Variants in PDZRN4 observed in about 807,000 individuals in gnomAD.
PDZRN4 encodes the protein PDZ domain-containing RING finger protein 4.
Under a neutral mutation model 99.0 loss-of-function variants are expected in PDZRN4, and 70 were observed. That is an observed-to-expected ratio of 0.71 (90% confidence interval 0.58 to 0.86). The LOEUF is 0.86. Ranked by LOEUF, PDZRN4 falls within the 40% of genes least tolerant of loss-of-function variation. PDZRN4 has a pLI of 0.00. For missense variants in PDZRN4, 1,474 were observed against 1,331.2 expected, an observed-to-expected ratio of 1.11 and a Z score of -1.67; for synonymous variants, 551 against 501.6, an observed-to-expected ratio of 1.10 and a Z score of -1.32.
intron 3 of PDZRN4, among the ~76,000 whole-genome samples, chr12:41,226,223 C>T (rs540606334): frequency 1.3e-5 from 2 of 152,078 alleles, no homozygotes; most frequent in African/African-American, 4.8e-5. Context: ...ACATGAGGTC[C>T]GTGGTGAGCA....
At chr12:41,488,580 C>T (rs1428848159) in intron 3 of PDZRN4, among the ~76,000 whole-genome samples, 3 of 152,000 alleles carry the variant, frequency 2.0e-5, no homozygotes, top group African/African-American at 7.2e-5. Context: ...AGAAACCTGG[C>T]GTGTAGTCAC....
chr12:41,545,923 T>G (rs1167652206), intron 5 of PDZRN4, among the ~76,000 whole-genome samples: 1 of 151,666 alleles, frequency 6.6e-6, no homozygotes, highest in African/African-American at 2.4e-5. Flanking sequence ...AGCAGAAAGT[T>G]GAGGTCATAA....
rs1951187870 is a variant in PDZRN4, at chr12:41,254,020, T to C, written c.843+59832T>C. ...GAGGAGAGATAAAAGGAAATATATA[T>C]ATATATGTGTGTGCGTGTGTGTGTG... On this transcript the variant is annotated intron_variant, in intron 3 of 9. Transcript: ENST00000402685. Among the ~76,000 whole-genome samples, 3 of 85,046 alleles carry C rather than the reference T, an allele frequency of 3.5e-5. 1 individual carries two copies. In the Admixed American group the frequency reaches 4.6e-4, roughly 13 times the overall value. The allele number at this position is 85,046 out of a possible 152,430, so 55.8% of individuals were successfully genotyped here.
At chr12:41,219,659 A>T (rs1026161577) in intron 3 of PDZRN4, among the ~76,000 whole-genome samples, 1 of 152,120 alleles carries the variant, frequency 6.6e-6, no homozygotes, top group Non-Finnish European at 1.5e-5. Context: ...CACAAAGTTT[A>T]CTGTTAGATA....
At chr12:41,473,947 TG>T (rs1300849228) in intron 3 of PDZRN4, among the ~76,000 whole-genome samples, 1 of 152,182 alleles carries the variant, frequency 6.6e-6, no homozygotes, top group East Asian at 1.9e-4. Context: ...GGGTAAGCCT[TG>T]AATGGAGATT....
In PDZRN4 at chr12:41,509,723, G is replaced by A. The variant is rs973682204; in HGVS notation, c.1101-88G>A. 1.2e-5 allele frequency: 8 copies of A among 661,856 alleles called. No individual in the cohort carries two copies. In the Admixed American group the frequency reaches 1.3e-4, roughly 11 times the overall value. 41.0% of individuals were successfully genotyped at this position (661,856 alleles called of 1,614,324 possible). On this transcript the variant is annotated intron_variant, in intron 4 of 9. Coordinates refer to ENST00000402685, the MANE Select transcript of PDZRN4 (RefSeq NM_001164595.2). ...ACTACAGATCTTATTCCAAAGCAGA[G>A]CAAACTAAAGTGAAATTCTAAAATC...
intron 3 of PDZRN4, among the ~76,000 whole-genome samples, chr12:41,339,158 T>C (rs987196157): frequency 4.0e-5 from 6 of 150,948 alleles, no homozygotes; most frequent in Admixed American, 2.0e-4. Context: ...GGAATCACAT[T>C]ACCTGACTTC....
chr12:41,287,711 A>G (rs141873868), intron 3 of PDZRN4, among the ~76,000 whole-genome samples: 2 of 152,328 alleles, frequency 1.3e-5, no homozygotes, highest in African/African-American at 4.8e-5. Flanking sequence ...AAAACTCTGA[A>G]AAGAACTCTT....
chr12:41,444,114 T>C (rs1394432440), intron 3 of PDZRN4, among the ~76,000 whole-genome samples: 1 of 151,600 alleles, frequency 6.6e-6, no homozygotes, highest in African/African-American at 2.4e-5. Context: ...TGCATTAGAG[T>C]GTGTAATAAG....
chr12:41,520,590 T>C (rs1938476707), intron 5 of PDZRN4, among the ~76,000 whole-genome samples: 1 of 151,520 alleles, frequency 6.6e-6, no homozygotes, highest in Non-Finnish European at 1.5e-5. Context: ...AATTATTATT[T>C]ACTTTTCCAG....
At chr12:41,425,461 T>A (rs566096428) in intron 3 of PDZRN4, among the ~76,000 whole-genome samples, 1 of 152,150 alleles carries the variant, frequency 6.6e-6, no homozygotes, top group South Asian at 2.1e-4. Context: ...GACAATTTTT[T>A]CTTACAAGTA....
chr12:41,278,356 C>T (rs1384410256), intron 3 of PDZRN4, among the ~76,000 whole-genome samples: 1 of 152,108 alleles, frequency 6.6e-6, no homozygotes, highest in East Asian at 1.9e-4. Flanking sequence ...TTTTTAATTT[C>T]TTTTGTTCAG....
At chr12:41,465,908 T>G (rs1952919956) in intron 3 of PDZRN4, among the ~76,000 whole-genome samples, 1 of 152,200 alleles carries the variant, frequency 6.6e-6, no homozygotes, top group African/African-American at 2.4e-5. Flanking sequence ...TTTAATAGCC[T>G]TGGTTTCAAT....
intron 5 of PDZRN4, among the ~76,000 whole-genome samples, chr12:41,522,409 T>C (rs534163192): frequency 6.6e-6 from 1 of 152,222 alleles, no homozygotes; most frequent in East Asian, 1.9e-4. Context: ...ATGATGAGCT[T>C]TTAGATTTAT....
chr12:41,375,557 C>T (rs1274230674), intron 3 of PDZRN4, among the ~76,000 whole-genome samples: 1 of 152,100 alleles, frequency 6.6e-6, no homozygotes, highest in Non-Finnish European at 1.5e-5. Flanking sequence ...GCAATTAAAA[C>T]CCTGAGAAGT....
In PDZRN4 at chr12:41,464,039, G is replaced by C. The variant is rs144849979; in HGVS notation, c.844-42417G>C. Among the ~76,000 whole-genome samples, 9 of 152,232 alleles carry C rather than the reference G, an allele frequency of 5.9e-5. 1 individual carries two copies. In the East Asian group the frequency reaches 1.7e-3, roughly 29 times the overall value. ...ATGGCTTCCATCGTGAGTCTATTGC[G>C]AAGGTTGGATTTGCATTTCCAAGCA... On this transcript the variant is annotated intron_variant, in intron 3 of 9. Coordinates refer to ENST00000402685, the MANE Select transcript of PDZRN4 (RefSeq NM_001164595.2).
intron 3 of PDZRN4, among the ~76,000 whole-genome samples, chr12:41,299,851 A>G (rs1951522222): frequency 6.6e-6 from 1 of 152,034 alleles, no homozygotes; most frequent in Non-Finnish European, 1.5e-5. Context: ...TTATCTTTGT[A>G]CTGCAATAAC....
intron 3 of PDZRN4, among the ~76,000 whole-genome samples, chr12:41,229,157 C>T (rs2120747636): frequency 1.3e-5 from 2 of 151,192 alleles, no homozygotes; most frequent in Middle Eastern, 3.4e-3. Context: ...GACAGATGAT[C>T]TGTCTCAGGT....
intron 3 of PDZRN4, chr12:41,437,725 G>T: frequency 6.9e-7 from 1 of 1,444,350 alleles, no homozygotes; most frequent in African/African-American, 1.4e-5. Context: ...CTCTGTGTGT[G>T]TATCCGTGAG....
Sources: gnomAD v4.1 joint callset for allele counts (sites outside exome capture counted in the v4.1 genomes callset) on GRCh38, gnomAD v4.1.1 for gene constraint, MANE v1.5 for transcripts, NCBI Gene and HGNC (gene_info 2026-07-23, HGNC 2026-07-21) for gene names.